The following FTO variants were observed in gnomAD, a reference collection of about 807,000 sequenced individuals.
The protein encoded by FTO is alpha-ketoglutarate-dependent dioxygenase FTO.
Under a neutral mutation model 63.9 loss-of-function variants are expected in FTO, and 47 were observed. The ratio of observed to expected loss-of-function variants is 0.74; its 90% CI spans 0.58 to 0.94. The LOEUF (loss-of-function observed/expected upper bound fraction) is 0.94. FTO is among the 40% of genes least tolerant of loss of function. The pLI is 0.00. For synonymous variants in FTO, 207 were observed against 224.4 expected, an observed-to-expected ratio of 0.92 and a Z score of 0.69; for missense variants, 562 against 618.1, an observed-to-expected ratio of 0.91 and a Z score of 0.96.
intron 1 of FTO, among the ~76,000 whole-genome samples, chr16:53,747,421 G>A (rs1424530459): frequency 6.6e-6 from 1 of 151,944 alleles, no homozygotes; most frequent in Admixed American, 6.6e-5. Flanking sequence ...GTTTTAATTT[G>A]CATTTCTTTA....
chr16:54,008,823 TAA>T (rs1184041260), intron 8 of FTO, among the ~76,000 whole-genome samples: 271 of 19,172 alleles, frequency 0.014, no homozygotes, highest in Non-Finnish European at 0.019. Flanking sequence ...ATAATAATAA[TAA>T]TAATAATAAT....
At chr16:54,085,408 C>T (rs1453802037) in intron 8 of FTO, among the ~76,000 whole-genome samples, 1 of 152,126 alleles carries the variant, frequency 6.6e-6, no homozygotes, top group Non-Finnish European at 1.5e-5. Context: ...GCATGGTTTA[C>T]CTGTACGTTT....
At chr16:53,704,074 G>T (rs1300384228), upstream of FTO, 2 of 1,137,448 alleles carry the variant, frequency 1.8e-6, no homozygotes, top group Non-Finnish European at 1.3e-6. Context: ...TACTCAGAGG[G>T]AGAATAGCTC....
Position 54,092,292 on chromosome 16 carries a change from C to T in FTO, c.1365-19470C>T, listed in dbSNP as rs1277499655. Reference sequence around the variant, plus strand: ...AGTAAGACCCTGTCTCAAAACAAAACAAAACATTAAGAGGAAAAGGGAAAA... The same window carrying T: ...AGTAAGACCCTGTCTCAAAACAAAATAAAACATTAAGAGGAAAAGGGAAAA... On this transcript the variant is annotated intron_variant, in intron 8 of 8. Coordinates refer to ENST00000471389, the MANE Select transcript of FTO (RefSeq NM_001080432.3). 2.0e-5 allele frequency among the ~76,000 whole-genome samples: 3 copies of T among 152,066 alleles called. No individual in the cohort carries two copies. The East Asian group carries it at 5.8e-4, about 29-fold the overall frequency.
At chr16:53,754,771 G>T (rs963607989) in intron 1 of FTO, among the ~76,000 whole-genome samples, 1 of 152,220 alleles carries the variant, frequency 6.6e-6, no homozygotes, top group African/African-American at 2.4e-5. Context: ...AAGAGATGAC[G>T]CTGAGGTATT....
chr16:54,105,779 G>A (rs2086736505), intron 8 of FTO, among the ~76,000 whole-genome samples: 2 of 114,458 alleles, frequency 1.7e-5, no homozygotes, highest in Non-Finnish European at 3.6e-5. Context: ...GTCTGTGTGT[G>A]TGTGTGTGTG....
intron 8 of FTO, among the ~76,000 whole-genome samples, chr16:54,052,861 A>G (rs2085344095): frequency 6.6e-6 from 1 of 151,976 alleles, no homozygotes; most frequent in South Asian, 2.1e-4. Context: ...CACCACACCC[A>G]GCTAATTTTT....
At chr16:53,821,259 T>C (rs943429236) in intron 2 of FTO, among the ~76,000 whole-genome samples, 12 of 152,150 alleles carry the variant, frequency 7.9e-5, no homozygotes, top group Non-Finnish European at 1.5e-4. Flanking sequence ...CTTTTCTTTA[T>C]TGTTTTATAC....
At chr16:53,744,688 A>G (rs1038181978) in intron 1 of FTO, among the ~76,000 whole-genome samples, 2 of 152,334 alleles carry the variant, frequency 1.3e-5, no homozygotes, top group East Asian at 1.9e-4. Context: ...TAGCTGATCA[A>G]ATGAGCCCCT....
At chr16:53,918,906 T>TA (rs1390511735) in intron 7 of FTO, among the ~76,000 whole-genome samples, 1 of 152,204 alleles carries the variant, frequency 6.6e-6, no homozygotes, top group Non-Finnish European at 1.5e-5. Flanking sequence ...ACTTTGATAT[T>TA]AAAGAGTTAC....
chr16:53,831,112 A>C (rs578038374), intron 3 of FTO, among the ~76,000 whole-genome samples: 1 of 152,284 alleles, frequency 6.6e-6, no homozygotes, highest in East Asian at 1.9e-4. Flanking sequence ...TTGAATCTCT[A>C]TTTTAACATG....
intron 1 of FTO, among the ~76,000 whole-genome samples, chr16:53,779,247 C>CT (rs1178225153): frequency 2.0e-5 from 3 of 151,972 alleles, no homozygotes; most frequent in East Asian, 3.9e-4. Context: ...CTTCCAGTTT[C>CT]TTTTTTTAAC....
chr16:53,760,205 G>GGTGTGTGT (rs1173270081), intron 1 of FTO, among the ~76,000 whole-genome samples: 88 of 125,594 alleles, frequency 7.0e-4, no homozygotes, highest in Admixed American at 1.5e-3. Context: ...CTTCAGCTTT[G>GGTGTGTGT]GTGTGTGTGT....
At chr16:53,942,318 A>G (rs538521626) in intron 8 of FTO, among the ~76,000 whole-genome samples, 2 of 152,266 alleles carry the variant, frequency 1.3e-5, no homozygotes, top group South Asian at 4.1e-4. Context: ...GAGGGATGCC[A>G]TGTGCACAGG....
chr16:53,739,553 A>G (rs2076483410), intron 1 of FTO, among the ~76,000 whole-genome samples: 2 of 152,182 alleles, frequency 1.3e-5, no homozygotes, highest in South Asian at 4.1e-4. Flanking sequence ...GGCAACAGAC[A>G]GATTAAATGA....
In FTO at chr16:53,760,205, GGTGTGTGTGTGTGTGTGTGT is replaced by G. The variant is rs1173270081; in HGVS notation, c.46-49898_46-49879del. 1.5e-4 allele frequency among the ~76,000 whole-genome samples: 19 copies of G among 125,598 alleles called. No individual in the cohort carries two copies. In the South Asian group the frequency reaches 1.7e-3, roughly 11 times the overall value. The allele number at this position is 125,598 out of a possible 152,430, so 82.4% of individuals were successfully genotyped here. ...TGTCTACCAGTTAGTCTTCAGCTTT[GGTGTGTGTGTGTGTGTGTGT>G]GTGTGTGTGTGTGTGTGTGTGTGTG... On this transcript the variant is annotated intron_variant, in intron 1 of 8. Transcript: ENST00000471389.
intron 8 of FTO, among the ~76,000 whole-genome samples, chr16:54,057,045 A>T (rs1455146111): frequency 6.6e-6 from 1 of 152,188 alleles, no homozygotes; most frequent in Non-Finnish European, 1.5e-5. Flanking sequence ...TAGGAGAGTG[A>T]GATGGACACG....
At chr16:53,874,319 G>C (rs1229751131) in intron 5 of FTO, among the ~76,000 whole-genome samples, 1 of 152,126 alleles carries the variant, frequency 6.6e-6, no homozygotes, top group Non-Finnish European at 1.5e-5. Flanking sequence ...AAAGTTACAG[G>C]GTTGCCAAGG....
chr16:53,762,879 TTTTAA>T (rs1263473334), intron 1 of FTO, among the ~76,000 whole-genome samples: 1 of 152,168 alleles, frequency 6.6e-6, no homozygotes, highest in Admixed American at 6.5e-5. Context: ...AAGTTTAAAG[TTTTAA>T]TTTAATCAAT....
Sources: allele counts gnomAD v4.1 joint callset (sites outside exome capture counted in the v4.1 genomes callset), GRCh38; gene constraint gnomAD v4.1.1; transcripts MANE v1.5; gene names NCBI Gene and HGNC (gene_info 2026-07-23, HGNC 2026-07-21).